The following SKIC8 variants were observed in gnomAD, a reference collection of about 807,000 sequenced individuals.
The protein encoded by SKIC8 is SKI8 subunit of superkiller complex.
chr15:78,296,203 T>G, the SKIC8 span, among the ~76,000 whole-genome samples: 19 of 152,144 alleles, frequency 1.2e-4, no homozygotes, highest in East Asian at 3.7e-3. Context: ...GTCAAGAGAT[T>G]GAGAACATCC....
At chr15:78,289,577 A>C in the SKIC8 span, 1 of 1,428,966 alleles carries the variant, frequency 7.0e-7, no homozygotes, top group South Asian at 1.2e-5. Context: ...TTCCTTTGTG[A>C]TTTGATAACC....
chr15:78,297,779 A>G, the SKIC8 span, among the ~76,000 whole-genome samples: 13 of 152,330 alleles, frequency 8.5e-5, no homozygotes, highest in South Asian at 2.7e-3. Context: ...GGGACCACAC[A>G]GTTAAGGCAT....
the SKIC8 span, among the ~76,000 whole-genome samples, chr15:78,298,362 T>TA: frequency 1.3e-5 from 2 of 152,180 alleles, no homozygotes; most frequent in African/African-American, 2.4e-5. Context: ...TTTTAAGTAA[T>TA]ACACAAAGAT....
chr15:78,292,352 A>G, the SKIC8 span: 1 of 355,876 alleles, frequency 2.8e-6, no homozygotes, highest in African/African-American at 2.1e-5. Flanking sequence ...AGCAAAATCT[A>G]ACCTGAATTG....
chr15:78,284,563 A>G, the SKIC8 span: 2 of 152,188 alleles, frequency 1.3e-5, no homozygotes, highest in Admixed American at 1.3e-4. Context: ...CCTCACCTGG[A>G]AGCCTGTTAG....
the SKIC8 span, among the ~76,000 whole-genome samples, chr15:78,287,100 G>A: frequency 6.6e-6 from 1 of 152,108 alleles, no homozygotes; most frequent in African/African-American, 2.4e-5. Flanking sequence ...CCACCTCCTT[G>A]GGCAAATCAA....
chr15:78,285,158 A>T, the SKIC8 span: 1 of 1,062,744 alleles, frequency 9.4e-7, no homozygotes, highest in Non-Finnish European at 1.4e-6. Flanking sequence ...CCAGGCATCT[A>T]CTGGTATCCA....
the SKIC8 span, chr15:78,299,419 C>CCTCA: frequency 6.5e-6 from 1 of 152,744 alleles, no homozygotes; most frequent in East Asian, 1.9e-4. Flanking sequence ...TGGAAGCCAC[C>CCTCA]CTCAGGCCCC....
chr15:78,283,489 T>C, the SKIC8 span: 2 of 1,613,918 alleles, frequency 1.2e-6, no homozygotes, highest in Admixed American at 1.7e-5. Context: ...ACACAATTTT[T>C]GAACCATTTC....
At chr15:78,294,744 T>TC in the SKIC8 span, 2 of 568,204 alleles carry the variant, frequency 3.5e-6, no homozygotes, top group Admixed American at 6.6e-5. Flanking sequence ...TGACTGCTTT[T>TC]TTTTTTTAGC....
At chr15:78,286,717 C>T in the SKIC8 span, 2 of 152,332 alleles carry the variant, frequency 1.3e-5, no homozygotes, top group African/African-American at 4.8e-5. Flanking sequence ...CACCATAAGA[C>T]CTAACTGAGG....
the SKIC8 span, chr15:78,285,154 A>G: frequency 9.8e-7 from 1 of 1,018,116 alleles, no homozygotes; most frequent in Non-Finnish European, 1.5e-6. Context: ...AGGCCCAGGC[A>G]TCTACTGGTA....
chr15:78,297,153 T>C, the SKIC8 span, among the ~76,000 whole-genome samples: 1 of 152,342 alleles, frequency 6.6e-6, no homozygotes. Flanking sequence ...CTCAGCACTA[T>C]GCTTGGGGGC....
At chr15:78,290,636 AC>A in the SKIC8 span, 2 of 152,352 alleles carry the variant, frequency 1.3e-5, no homozygotes, top group Non-Finnish European at 2.9e-5. Flanking sequence ...CATTCATTAG[AC>A]CCAAATTCAT....
chr15:78,286,016 G>A, the SKIC8 span: 41 of 1,592,254 alleles, frequency 2.6e-5, no homozygotes, highest in Non-Finnish European at 3.3e-5. Flanking sequence ...CAGCATTTTA[G>A]AAACTGCTAA....
chr15:78,283,392 G>A, the SKIC8 span: 77 of 1,500,536 alleles, frequency 5.1e-5, no homozygotes, highest in Middle Eastern at 5.1e-4. Context: ...TGATCAATCC[G>A]TACATTCTCT....
chr15:78,295,116 G>T, the SKIC8 span: 1 of 896,786 alleles, frequency 1.1e-6, no homozygotes, highest in Non-Finnish European at 1.8e-6. Context: ...CATCCCGCAA[G>T]CTCCTTGATT....
chr15:78,286,215 C>A, the SKIC8 span: 1 of 1,239,584 alleles, frequency 8.1e-7, no homozygotes, highest in Non-Finnish European at 1.1e-6. Context: ...ATTATTAACT[C>A]TGCCAATAAG....
the SKIC8 span, chr15:78,295,718 A>G: frequency 6.5e-7 from 1 of 1,533,868 alleles, no homozygotes; most frequent in Non-Finnish European, 8.8e-7. Flanking sequence ...ACAAAAGGCC[A>G]GACAGCTCTG....
Sources: gnomAD v4.1 joint callset for allele counts (sites outside exome capture counted in the v4.1 genomes callset) on GRCh38, gnomAD v4.1.1 for gene constraint, MANE v1.5 for transcripts, NCBI Gene and HGNC (gene_info 2026-07-23, HGNC 2026-07-21) for gene names.